The following ARHGAP35 variants were observed in gnomAD, a reference collection of about 807,000 sequenced individuals.
ARHGAP35 encodes rho GTPase-activating protein 35.
Under a neutral mutation model 111.1 loss-of-function variants are expected in ARHGAP35, and 15 were observed. That is an observed-to-expected ratio of 0.13 (90% CI 0.09 to 0.21). The LOEUF is 0.21. ARHGAP35 is among the 10% of genes least tolerant of loss of function. ARHGAP35 has a pLI of 1.00. For synonymous variants in ARHGAP35, 643 were observed against 710.3 expected, an observed-to-expected ratio of 0.91 and a Z score of 1.51; for missense variants, 1,262 against 1,873.0, an observed-to-expected ratio of 0.67 and a Z score of 6.02.
chr19:46,902,933 G>C (rs2056089057), intron 1 of ARHGAP35, among the ~76,000 whole-genome samples: 1 of 152,110 alleles, frequency 6.6e-6, no homozygotes, highest in Non-Finnish European at 1.5e-5. Flanking sequence ...AAAACTAAAG[G>C]GTTGGTGTGT....
At chr19:46,998,968 G>A in intron 5 of ARHGAP35, 1 of 260,728 alleles carries the variant, frequency 3.8e-6, no homozygotes, top group Non-Finnish European at 7.3e-6. Flanking sequence ...GCGTAGGGAT[G>A]CCTGTCTCCA....
chr19:46,888,318 A>ATATATATATAT (rs2056005973), intron 1 of ARHGAP35, among the ~76,000 whole-genome samples: 1 of 58,476 alleles, frequency 1.7e-5, no homozygotes, highest in Non-Finnish European at 3.3e-5. Context: ...ATATATATAT[A>ATATATATATAT]AAATATTGAT....
chr19:46,995,801 A>G (rs1410041174), intron 5 of ARHGAP35, among the ~76,000 whole-genome samples: 3 of 152,228 alleles, frequency 2.0e-5, no homozygotes, highest in African/African-American at 4.8e-5. Context: ...CCCTCCCCAG[A>G]GAGGCCCTAG....
chr19:46,888,364 AC>A (rs1555754931), intron 1 of ARHGAP35, among the ~76,000 whole-genome samples: 1 of 106,360 alleles, frequency 9.4e-6, no homozygotes, highest in Non-Finnish European at 2.0e-5. Flanking sequence ...ACACACACAC[AC>A]CCCACAACAA....
At chr19:46,880,722 G>A (rs751069158) in intron 1 of ARHGAP35, among the ~76,000 whole-genome samples, 1 of 151,658 alleles carries the variant, frequency 6.6e-6, no homozygotes. Context: ...TGTCACCCAG[G>A]CTGGAATGCA....
chr19:46,889,665 CAA>C (rs1273815351), intron 1 of ARHGAP35, among the ~76,000 whole-genome samples: 2 of 143,064 alleles, frequency 1.4e-5, no homozygotes, highest in African/African-American at 5.3e-5. Flanking sequence ...AATCAGGAAA[CAA>C]GAGTAGAGGC....
chr19:46,882,295 T>A (rs767841768), intron 1 of ARHGAP35, among the ~76,000 whole-genome samples: 1 of 149,110 alleles, frequency 6.7e-6, no homozygotes, highest in Non-Finnish European at 1.5e-5. Context: ...CCACCATCCC[T>A]GGCTAATTTT....
intron 1 of ARHGAP35, among the ~76,000 whole-genome samples, 73 bp downstream of exon 1, chr19:46,861,282 G>A (rs1361434235): frequency 2.0e-5 from 3 of 150,810 alleles, no homozygotes; most frequent in African/African-American, 4.8e-5. Context: ...AGGGGGAGGC[G>A]GGGACGGCGG....
chr19:46,870,425 A>G (rs2055881673), intron 1 of ARHGAP35, among the ~76,000 whole-genome samples: 1 of 151,774 alleles, frequency 6.6e-6, no homozygotes, highest in Admixed American at 6.6e-5. Context: ...TAAAAATACA[A>G]AAAATTAGCC....
intron 2 of ARHGAP35, among the ~76,000 whole-genome samples, chr19:46,934,528 C>T (rs915517782): frequency 3.9e-5 from 6 of 152,088 alleles, no homozygotes; most frequent in Non-Finnish European, 7.4e-5. Flanking sequence ...CCATCATGCC[C>T]GGCTAATTTT....
At position 46,977,346 on chromosome 19, in the gene ARHGAP35, A is replaced by G. The variant is rs908959407; in HGVS notation, c.3827-10643A>G. Among the ~76,000 whole-genome samples, 9 of 152,340 alleles carry G rather than the reference A, an allele frequency of 5.9e-5. No homozygotes were observed. In the South Asian group the frequency reaches 6.2e-4, roughly 11 times the overall value. On this transcript the variant is annotated intron_variant, in intron 3 of 6. Coordinates refer to ENST00000672722, the MANE Select transcript of ARHGAP35 (RefSeq NM_004491.5). The stretch of plus-strand genomic sequence containing the variant: ...GCTTCTTGGTGAATGTAGAACCTCA[A>G]TACATCTGGAAAGGAAAGTAGGAGT...
intron 1 of ARHGAP35, among the ~76,000 whole-genome samples, chr19:46,869,365 G>T (rs1429200373): frequency 6.6e-6 from 1 of 152,156 alleles, no homozygotes; most frequent in Non-Finnish European, 1.5e-5. Context: ...GCCAAGGTGG[G>T]CAGATCACCT....
At chr19:46,975,166 G>A (rs1355551811) in intron 3 of ARHGAP35, among the ~76,000 whole-genome samples, 2 of 152,146 alleles carry the variant, frequency 1.3e-5, no homozygotes, top group African/African-American at 4.8e-5. Flanking sequence ...CACCATGCCT[G>A]GCCAGAAGGG....
chr19:46,965,409 A>G (rs2056508466), intron 3 of ARHGAP35, among the ~76,000 whole-genome samples: 1 of 152,116 alleles, frequency 6.6e-6, no homozygotes, highest in South Asian at 2.1e-4. Context: ...TTTACTCTCA[A>G]AAGTGCTTTA....
Position 46,918,659 on chromosome 19 carries a change from G to A in ARHGAP35, c.-17G>A. 1 of 1,604,866 alleles carries A rather than the reference G, an allele frequency of 6.2e-7. No individual in the cohort carries two copies. Among genetic ancestry groups the A allele is most frequent in the Non-Finnish European group, 8.5e-7 (1 of 1,174,280 alleles). On this transcript the variant is annotated 5_prime_UTR_variant, in exon 2 of 7. Coordinates refer to ENST00000672722, the MANE Select transcript of ARHGAP35 (RefSeq NM_004491.5). The surrounding 1 kb of genome is among the most constrained non-coding windows in gnomAD (Gnocchi z 5.4). ...TCTGATCTCAGAAGTGGCTGATCGT[G>A]GCAGGATGTGTCGACGATGATGATG...
chr19:46,884,493 CTTTT>C (rs923415995), intron 1 of ARHGAP35, among the ~76,000 whole-genome samples: 1 of 111,938 alleles, frequency 8.9e-6, no homozygotes, highest in Non-Finnish European at 1.8e-5. Context: ...TGATGATATC[CTTTT>C]TTTTTTTTTT....
At chr19:46,938,660 G>A (rs1254321023) in intron 3 of ARHGAP35, among the ~76,000 whole-genome samples, 14 of 145,686 alleles carry the variant, frequency 9.6e-5, no homozygotes, top group Admixed American at 3.5e-4. Context: ...GCCGAAGATA[G>A]CATTTTTTTT....
At chr19:46,929,788 A>G (rs2056261505) in intron 2 of ARHGAP35, among the ~76,000 whole-genome samples, 1 of 150,784 alleles carries the variant, frequency 6.6e-6, no homozygotes, top group African/African-American at 2.4e-5. Flanking sequence ...TGGCACATAT[A>G]TGTTAATCCC....
At chr19:46,930,011 T>C (rs1319309118) in intron 2 of ARHGAP35, among the ~76,000 whole-genome samples, 1 of 152,064 alleles carries the variant, frequency 6.6e-6, no homozygotes, top group Non-Finnish European at 1.5e-5. Context: ...AGTCCTCCCA[T>C]CTGGGCTTCC....
Sources: allele counts gnomAD v4.1 joint callset (sites outside exome capture counted in the v4.1 genomes callset), GRCh38; gene constraint gnomAD v4.1.1; non-coding constraint Gnocchi (gnomAD v3.1); transcripts MANE v1.5; gene names NCBI Gene and HGNC (gene_info 2026-07-23, HGNC 2026-07-21).